EIF2B3: variants seen among roughly 807,000 people sequenced by gnomAD.
EIF2B3 encodes the protein eukaryotic translation initiation factor 2B subunit gamma, also known as translation initiation factor eIF2B subunit gamma.
Under a neutral mutation model 54.1 loss-of-function variants are expected in EIF2B3, and 20 were observed. That is an observed-to-expected ratio of 0.37 (90% CI 0.26 to 0.54). The LOEUF is 0.54. Among genes scored for constraint, EIF2B3 ranks in the 20% least tolerant of loss-of-function variants. The probability of loss-of-function intolerance (pLI) is 0.86; values close to 1 mark genes in which losing one functional copy is unlikely to be tolerated. For synonymous variants in EIF2B3, 153 were observed against 188.1 expected (o/e 0.81, Z 1.52); for missense variants, 448 against 547.8 (o/e 0.82, Z 1.82).
intron 3 of EIF2B3, among the ~76,000 whole-genome samples, chr1:44,952,787 C>T (rs1365868119): frequency 4.6e-5 from 7 of 151,026 alleles, no homozygotes; most frequent in Middle Eastern, 3.4e-3. Flanking sequence ...CTCCTTACCT[C>T]GTGATCCGCC....
In EIF2B3 at chr1:44,881,771, C is replaced by T; in HGVS notation, c.657-32G>A. ...AGAAAGAATGGCCAAATATGAGAAA[C>T]CTGACTGTCTGGAACATACCCGGAT... On this transcript the variant is annotated intron_variant, in intron 6 of 11. Transcript: ENST00000360403. The surrounding 1 kb of genome is among the most constrained non-coding windows in gnomAD (Gnocchi z 4.0). The T allele has an allele frequency of 6.2e-7, 1 of 1,612,736 alleles. No homozygotes were observed. The highest frequency in any genetic ancestry group is 8.5e-7 in the Non-Finnish European group (1 of 1,179,254).
At chr1:44,886,708 A>T (rs1345762104) in intron 6 of EIF2B3, among the ~76,000 whole-genome samples, 1 of 152,264 alleles carries the variant, frequency 6.6e-6, no homozygotes, top group East Asian at 1.9e-4. Flanking sequence ...ACCGTGTTCA[A>T]ATAAGGCAAA....
chr1:44,893,141 G>A (rs2148912411), intron 6 of EIF2B3, among the ~76,000 whole-genome samples: 1 of 152,262 alleles, frequency 6.6e-6, no homozygotes, highest in African/African-American at 2.4e-5. Flanking sequence ...ATAGCTCACT[G>A]TAGCATCAAC....
At chr1:44,953,470 A>T (rs1437266892) in intron 3 of EIF2B3, among the ~76,000 whole-genome samples, 1 of 152,144 alleles carries the variant, frequency 6.6e-6, no homozygotes, top group Non-Finnish European at 1.5e-5. Flanking sequence ...CTAACTTGCC[A>T]ATTCTCTTTA....
At chr1:44,903,172 C>T (rs1214548331) in intron 5 of EIF2B3, among the ~76,000 whole-genome samples, 3 of 151,888 alleles carry the variant, frequency 2.0e-5, no homozygotes, top group South Asian at 2.1e-4. Flanking sequence ...CATCTGTGAA[C>T]GATAGAGCTA....
intron 11 of EIF2B3, among the ~76,000 whole-genome samples, chr1:44,852,077 T>G (rs1255202914): frequency 6.6e-6 from 1 of 151,788 alleles, no homozygotes; most frequent in Admixed American, 6.6e-5. Context: ...GCCTCCCCAG[T>G]AGCTGGGACT....
chr1:44,944,873 G>T (rs548444697), intron 3 of EIF2B3, among the ~76,000 whole-genome samples: 1 of 151,976 alleles, frequency 6.6e-6, no homozygotes, highest in East Asian at 1.9e-4. Flanking sequence ...ATTATTTTGG[G>T]TTCAAGAATG....
chr1:44,896,155 T>C (rs908768820), intron 6 of EIF2B3, among the ~76,000 whole-genome samples: 1 of 152,214 alleles, frequency 6.6e-6, no homozygotes, highest in Non-Finnish European at 1.5e-5. Flanking sequence ...GATCCCATGG[T>C]TGATCTAGCA....
intron 10 of EIF2B3, 176 bp downstream of exon 10, chr1:44,874,502 A>C (rs1655057153): frequency 3.0e-6 from 2 of 672,638 alleles, no homozygotes; most frequent in Non-Finnish European, 2.5e-6. Flanking sequence ...TAGAGGAATA[A>C]ATTTCCTAGT....
At chr1:44,907,756 C>T (rs919672627) in intron 5 of EIF2B3, among the ~76,000 whole-genome samples, 1 of 150,878 alleles carries the variant, frequency 6.6e-6, no homozygotes, top group East Asian at 2.0e-4. Context: ...CAAAATTAGC[C>T]GGGCATGGTG....
intron 3 of EIF2B3, among the ~76,000 whole-genome samples, chr1:44,963,141 G>C (rs934967341): frequency 5.9e-5 from 9 of 151,816 alleles, no homozygotes; most frequent in African/African-American, 1.9e-4. Context: ...CCTGATCCCA[G>C]GAGGCTGAGG....
intron 6 of EIF2B3, among the ~76,000 whole-genome samples, chr1:44,896,801 T>G (rs1015716304): frequency 6.6e-6 from 1 of 152,210 alleles, no homozygotes; most frequent in African/African-American, 2.4e-5. Flanking sequence ...TGGAAACTAT[T>G]TAAGTCCTAC....
chr1:44,936,763 G>A (rs1327144274), intron 4 of EIF2B3, among the ~76,000 whole-genome samples: 2 of 152,138 alleles, frequency 1.3e-5, no homozygotes, highest in African/African-American at 4.8e-5. Flanking sequence ...GATATAGAAT[G>A]TTTACAAAGT....
At chr1:44,930,245 T>A (rs1232607731) in intron 4 of EIF2B3, among the ~76,000 whole-genome samples, 1 of 152,172 alleles carries the variant, frequency 6.6e-6, no homozygotes, top group African/African-American at 2.4e-5. Flanking sequence ...TTCCAACTCA[T>A]TTTATAAGGC....
intron 10 of EIF2B3, among the ~76,000 whole-genome samples, 192 bp from the exon 11 acceptor site, chr1:44,857,999 A>G (rs189080133): frequency 2.6e-4 from 40 of 151,142 alleles, no homozygotes; most frequent in African/African-American, 9.2e-4. Context: ...AGAAATCCAG[A>G]TTTGGGACTA....
At position 44,944,633 on chromosome 1, in the gene EIF2B3, T is replaced by C. The variant is rs1312102791; in HGVS notation, c.295-2968A>G. Among the ~76,000 whole-genome samples the C allele has an allele frequency of 5.3e-5, 8 of 152,022 alleles. No homozygotes were observed. The East Asian group carries it at 7.7e-4, about 15-fold the overall frequency. On this transcript the variant is annotated intron_variant, in intron 3 of 11. Transcript: ENST00000360403. ...CACAGTAAGACCCCATCTCTAAAAA[T>C]ACATAAAACATTTTTTAAATTAGCA...
chr1:44,870,654 AG>A (rs1489518199), intron 10 of EIF2B3, among the ~76,000 whole-genome samples: 1 of 143,066 alleles, frequency 7.0e-6, no homozygotes. Flanking sequence ...ATCAGTTCTC[AG>A]GTTTTTTTTT....
At chr1:44,898,967 C>T (rs1290708661) in intron 5 of EIF2B3, among the ~76,000 whole-genome samples, 1 of 152,196 alleles carries the variant, frequency 6.6e-6, no homozygotes, top group Non-Finnish European at 1.5e-5. Context: ...GCTAGGACCA[C>T]AGGAGCAAGC....
chr1:44,985,897 T>C (rs1390577414), intron 1 of EIF2B3, among the ~76,000 whole-genome samples: 1 of 152,162 alleles, frequency 6.6e-6, no homozygotes, highest in African/African-American at 2.4e-5. Flanking sequence ...AAGAAAACTG[T>C]ATCAGAATTG....
Sources: allele counts gnomAD v4.1 joint callset (sites outside exome capture counted in the v4.1 genomes callset), GRCh38; gene constraint gnomAD v4.1.1; non-coding constraint Gnocchi (gnomAD v3.1); transcripts MANE v1.5; gene names NCBI Gene and HGNC (gene_info 2026-07-23, HGNC 2026-07-21).